Variants in TRHDE observed in about 807,000 individuals in gnomAD.
TRHDE encodes thyrotropin-releasing hormone-degrading ectoenzyme.
TRHDE carries 72 observed loss-of-function variants against 125.7 expected under a neutral mutation model. The observed-to-expected ratio is 0.57, with a 90% CI of 0.47 to 0.70. The LOEUF (loss-of-function observed/expected upper bound fraction) is 0.70, where lower values mean the gene tolerates loss of function less well. Ranked by LOEUF, TRHDE falls within the 30% of genes least tolerant of loss-of-function variation. TRHDE has a pLI of 0.00. For missense variants in TRHDE, 1,110 were observed against 1,327.1 expected (o/e 0.84, Z 2.54); for synonymous variants, 509 against 509.1 (o/e 1.00, Z 0.00).
At chr12:72,117,525 T>C (rs1164192252) in intron 2 of TRHDE, among the ~76,000 whole-genome samples, 1 of 152,146 alleles carries the variant, frequency 6.6e-6, no homozygotes, top group Non-Finnish European at 1.5e-5. Flanking sequence ...CCTCCAGTTT[T>C]GTTATTTTTG....
intron 12 of TRHDE, among the ~76,000 whole-genome samples, chr12:72,594,977 A>G (rs1871865482): frequency 6.6e-6 from 1 of 151,604 alleles, no homozygotes. Context: ...CATGGATGAA[A>G]TTGGAAATCA....
At chr12:72,198,629 C>T (rs1030762073) in intron 2 of TRHDE, among the ~76,000 whole-genome samples, 1 of 152,094 alleles carries the variant, frequency 6.6e-6, no homozygotes, top group Non-Finnish European at 1.5e-5. Flanking sequence ...CTAAAAAGTT[C>T]TTCCTGTCTG....
intron 3 of TRHDE, among the ~76,000 whole-genome samples, chr12:72,407,246 T>C (rs1214884480): frequency 6.6e-6 from 1 of 152,198 alleles, no homozygotes; most frequent in East Asian, 1.9e-4. Flanking sequence ...AGAGGACTCA[T>C]GTCTGACTTG....
At chr12:72,290,481 C>T (rs941498115) in intron 2 of TRHDE, among the ~76,000 whole-genome samples, 1 of 152,126 alleles carries the variant, frequency 6.6e-6, no homozygotes, top group Non-Finnish European at 1.5e-5. Context: ...TACTCTAGAA[C>T]TTAGTGGCAT....
chr12:72,320,190 A>C (rs1013054541), intron 2 of TRHDE, among the ~76,000 whole-genome samples: 2 of 152,090 alleles, frequency 1.3e-5, no homozygotes, highest in Non-Finnish European at 2.9e-5. Flanking sequence ...AGGCATGTAC[A>C]TACATATACG....
chr12:72,516,063 G>A (rs949474130), intron 6 of TRHDE, among the ~76,000 whole-genome samples: 6 of 151,820 alleles, frequency 4.0e-5, no homozygotes, highest in Non-Finnish European at 8.8e-5. Context: ...AGTATAGTTT[G>A]AAGTCAGGTA....
intron 2 of TRHDE, among the ~76,000 whole-genome samples, chr12:72,181,326 A>G (rs1365642806): frequency 8.5e-5 from 13 of 152,102 alleles, no homozygotes; most frequent in Non-Finnish European, 1.5e-5. Flanking sequence ...TCCGGGCTTA[A>G]TGCTTCGAGT....
intron 2 of TRHDE, among the ~76,000 whole-genome samples, chr12:72,216,616 T>C (rs2139365333): frequency 6.6e-6 from 1 of 152,282 alleles, no homozygotes; most frequent in South Asian, 2.1e-4. Context: ...AAAAAATGCC[T>C]TTTAAGGGAA....
chr12:72,194,260 A>T (rs1434907520), intron 2 of TRHDE, among the ~76,000 whole-genome samples: 1 of 152,082 alleles, frequency 6.6e-6, no homozygotes, highest in Non-Finnish European at 1.5e-5. Flanking sequence ...GAGATAACAT[A>T]TATTTTTGTT....
chr12:72,472,566 A>G (rs1021960113), intron 4 of TRHDE, among the ~76,000 whole-genome samples: 1 of 152,190 alleles, frequency 6.6e-6, no homozygotes, highest in African/African-American at 2.4e-5. Context: ...GGTGATGCTT[A>G]CATACCTCCT....
At chr12:72,575,137 G>T in intron 10 of TRHDE, 118 bp from the exon 11 acceptor site, 1 of 938,164 alleles carries the variant, frequency 1.1e-6, no homozygotes, top group South Asian at 1.8e-5. Context: ...CTTCAATTAG[G>T]TATTTAAGAT....
intron 5 of TRHDE, among the ~76,000 whole-genome samples, chr12:72,475,123 G>T (rs1038434933): frequency 6.6e-6 from 1 of 152,050 alleles, no homozygotes. Flanking sequence ...AGAAAAATCA[G>T]CAATACAACA....
intron 6 of TRHDE, among the ~76,000 whole-genome samples, chr12:72,540,397 T>C (rs1373224010): frequency 6.6e-6 from 1 of 151,774 alleles, no homozygotes. Context: ...GACAGGAAAA[T>C]TGGTACATTC....
At chr12:72,266,034 A>T (rs1945587528) in intron 2 of TRHDE, among the ~76,000 whole-genome samples, 1 of 152,026 alleles carries the variant, frequency 6.6e-6, no homozygotes, top group South Asian at 2.1e-4. Flanking sequence ...TAATTACCTC[A>T]TTTAAACAGC....
At chr12:72,656,399 A>G (rs766115087) in intron 17 of TRHDE, among the ~76,000 whole-genome samples, 1 of 152,136 alleles carries the variant, frequency 6.6e-6, no homozygotes, top group Non-Finnish European at 1.5e-5. Context: ...GTTTCTAAGA[A>G]TGAAATAAGA....
chr12:72,500,400 T>A (rs1376837636), intron 6 of TRHDE, among the ~76,000 whole-genome samples: 1 of 152,148 alleles, frequency 6.6e-6, no homozygotes, highest in Non-Finnish European at 1.5e-5. Flanking sequence ...TATGTACTTT[T>A]TTTTTCTTTT....
intron 2 of TRHDE, among the ~76,000 whole-genome samples, chr12:72,231,250 A>T (rs1878240715): frequency 6.6e-6 from 1 of 152,202 alleles, no homozygotes. Context: ...CTAGTCACTG[A>T]GACAACTGTA....
intron 2 of TRHDE, among the ~76,000 whole-genome samples, chr12:72,187,929 TA>T (rs898957846): frequency 2.2e-4 from 34 of 152,222 alleles, no homozygotes; most frequent in Middle Eastern, 3.2e-3. Flanking sequence ...ACAAACAGTT[TA>T]GGGGTCTATT....
chr12:72,164,120 C>A (rs1458889832), intron 2 of TRHDE, among the ~76,000 whole-genome samples: 1 of 149,838 alleles, frequency 6.7e-6, no homozygotes, highest in Non-Finnish European at 1.5e-5. Context: ...CAAAAACAAA[C>A]AAACAACAAA....
Sources: gnomAD v4.1 joint callset for allele counts (sites outside exome capture counted in the v4.1 genomes callset) on GRCh38, gnomAD v4.1.1 for gene constraint, MANE v1.5 for transcripts, NCBI Gene and HGNC (gene_info 2026-07-23, HGNC 2026-07-21) for gene names.